KCNB2: variants seen among roughly 807,000 people sequenced by gnomAD.
KCNB2 encodes the protein potassium voltage-gated channel subfamily B member 2.
KCNB2 carries 15 observed loss-of-function variants against 61.5 expected under a neutral mutation model. That is an observed-to-expected ratio of 0.24 (90% CI 0.16 to 0.38). The LOEUF (loss-of-function observed/expected upper bound fraction) is 0.38, where lower values mean the gene tolerates loss of function less well. Ranked by LOEUF, KCNB2 falls within the 10% of genes least tolerant of loss-of-function variation. KCNB2 has a pLI of 1.00. For missense variants in KCNB2, 828 were observed against 1,125.2 expected (o/e 0.74, Z 3.78); for synonymous variants, 457 against 446.0 (o/e 1.02, Z -0.31).
intron 2 of KCNB2, among the ~76,000 whole-genome samples, chr8:72,835,577 C>T (rs1358370876): frequency 1.3e-5 from 2 of 152,152 alleles, no homozygotes; most frequent in African/African-American, 4.8e-5. Flanking sequence ...TAAAAATCTG[C>T]ACTTATTCTG....
chr8:72,834,974 G>A (rs895218022), intron 2 of KCNB2, among the ~76,000 whole-genome samples: 1 of 152,198 alleles, frequency 6.6e-6, no homozygotes, highest in Non-Finnish European at 1.5e-5. Flanking sequence ...GGAGGAAGGG[G>A]ATAGGGTGAT....
At chr8:72,684,447 G>A (rs963744523) in intron 2 of KCNB2, among the ~76,000 whole-genome samples, 21 of 152,254 alleles carry the variant, frequency 1.4e-4, no homozygotes, top group South Asian at 4.1e-4. Flanking sequence ...GTGGGTAGGA[G>A]TAAGGGGTGT....
intron 2 of KCNB2, among the ~76,000 whole-genome samples, chr8:72,648,601 T>C (rs1213008856): frequency 6.7e-6 from 1 of 150,080 alleles, no homozygotes; most frequent in Non-Finnish European, 1.5e-5. Context: ...TATAAATTAA[T>C]AGTTTTGAGT....
chr8:72,567,568 C>G, intron 1 of KCNB2, 74 bp from the exon 2 acceptor site: 1 of 561,102 alleles, frequency 1.8e-6, no homozygotes, highest in Non-Finnish European at 3.1e-6. Flanking sequence ...CTGGTTGTTA[C>G]AACAGAATGA....
chr8:72,664,667 A>G (rs946790525), intron 2 of KCNB2, among the ~76,000 whole-genome samples: 1 of 152,228 alleles, frequency 6.6e-6, no homozygotes, highest in African/African-American at 2.4e-5. Context: ...TACTTGTTAC[A>G]TTTCAGACAG....
intron 2 of KCNB2, among the ~76,000 whole-genome samples, chr8:72,918,881 C>T (rs982492400): frequency 2.0e-5 from 3 of 152,084 alleles, no homozygotes; most frequent in Admixed American, 1.3e-4. Flanking sequence ...TTTAGATTCC[C>T]GGCATATACA....
At chr8:72,545,040 A>T (rs996174369) in intron 1 of KCNB2, among the ~76,000 whole-genome samples, 4 of 152,208 alleles carry the variant, frequency 2.6e-5, no homozygotes, top group African/African-American at 9.6e-5. Context: ...AGGGAAGCAT[A>T]GATTTTGCTA....
At chr8:72,847,521 A>G (rs1397085161) in intron 2 of KCNB2, among the ~76,000 whole-genome samples, 3 of 152,232 alleles carry the variant, frequency 2.0e-5, no homozygotes, top group African/African-American at 7.2e-5. Flanking sequence ...TAACTCATTT[A>G]TAAGTTCAAG....
At chr8:72,717,792 CA>C (rs1417346322) in intron 2 of KCNB2, among the ~76,000 whole-genome samples, 10 of 152,128 alleles carry the variant, frequency 6.6e-5, no homozygotes, top group Non-Finnish European at 1.0e-4. Flanking sequence ...GCAATGGCAA[CA>C]AAAGCCAAAA....
chr8:72,715,002 G>T (rs973834707), intron 2 of KCNB2, among the ~76,000 whole-genome samples: 2 of 152,078 alleles, frequency 1.3e-5, no homozygotes, highest in Non-Finnish European at 2.9e-5. Flanking sequence ...AAAGGCAGGG[G>T]TTGCAATCCT....
At chr8:72,640,067 C>T (rs887076155) in intron 2 of KCNB2, among the ~76,000 whole-genome samples, 3 of 151,750 alleles carry the variant, frequency 2.0e-5, no homozygotes, top group African/African-American at 7.3e-5. Context: ...CATTATAGCC[C>T]AAGATGGTAT....
chr8:72,747,187 G>T (rs1014520912), intron 2 of KCNB2, among the ~76,000 whole-genome samples: 1 of 152,172 alleles, frequency 6.6e-6, no homozygotes, highest in Admixed American at 6.5e-5. Context: ...AGAAAAAGGA[G>T]CAGAAGCCAC....
intron 2 of KCNB2, among the ~76,000 whole-genome samples, chr8:72,890,400 C>G (rs1805878190): frequency 6.6e-6 from 1 of 152,174 alleles, no homozygotes; most frequent in African/African-American, 2.4e-5. Flanking sequence ...CCGAACAAAA[C>G]AACATTAGCC....
intron 2 of KCNB2, among the ~76,000 whole-genome samples, chr8:72,713,448 C>T (rs111967873): frequency 0.024 from 3,709 of 152,288 alleles, 64 homozygotes; most frequent in South Asian, 0.074. Flanking sequence ...GCCAGGTACT[C>T]CTCTGAGACA....
intron 2 of KCNB2, among the ~76,000 whole-genome samples, chr8:72,865,846 C>A (rs1260688173): frequency 6.6e-6 from 1 of 152,192 alleles, no homozygotes; most frequent in Non-Finnish European, 1.5e-5. Context: ...TCCACTCTAA[C>A]TTCACTTTGT....
intron 2 of KCNB2, among the ~76,000 whole-genome samples, chr8:72,717,077 A>G (rs1173099419): frequency 6.6e-6 from 1 of 152,160 alleles, no homozygotes; most frequent in Non-Finnish European, 1.5e-5. Context: ...CTTCAAAGGA[A>G]TAAAATACCT....
At chr8:72,671,137 G>A (rs969216316) in intron 2 of KCNB2, among the ~76,000 whole-genome samples, 1 of 152,152 alleles carries the variant, frequency 6.6e-6, no homozygotes, top group Non-Finnish European at 1.5e-5. Context: ...TGGAGGTTGA[G>A]TTTTTATCTA....
chr8:72,584,091 C>G (rs544030855), intron 2 of KCNB2, among the ~76,000 whole-genome samples: 1 of 135,838 alleles, frequency 7.4e-6, no homozygotes. Flanking sequence ...GCTGTCAAAA[C>G]AAAACAAAAC....
chr8:72,928,351 C>T (rs1278625173), intron 2 of KCNB2, among the ~76,000 whole-genome samples: 1 of 151,998 alleles, frequency 6.6e-6, no homozygotes, highest in Non-Finnish European at 1.5e-5. Flanking sequence ...CGTAACCACA[C>T]CTGACTAATT....
Sources: gnomAD v4.1 joint callset for allele counts (sites outside exome capture counted in the v4.1 genomes callset) on GRCh38, gnomAD v4.1.1 for gene constraint, MANE v1.5 for transcripts, NCBI Gene and HGNC (gene_info 2026-07-23, HGNC 2026-07-21) for gene names.